Variants in CCT4 observed in about 807,000 individuals in gnomAD.
CCT4 encodes the protein T-complex protein 1 subunit delta.
Under a neutral mutation model 62.5 loss-of-function variants are expected in CCT4, and 17 were observed. The observed-to-expected ratio is 0.27, with a 90% CI of 0.19 to 0.41. The LOEUF (loss-of-function observed/expected upper bound fraction) is 0.41. Among genes scored for constraint, CCT4 ranks in the 10% least tolerant of loss-of-function variants. The probability of loss-of-function intolerance (pLI) is 1.00; values close to 1 mark genes in which losing one functional copy is unlikely to be tolerated. For missense variants in CCT4, 592 were observed against 659.2 expected (o/e 0.90, Z 1.12); for synonymous variants, 250 against 229.9 (o/e 1.09, Z -0.79).
intron 8 of CCT4, among the ~76,000 whole-genome samples, chr2:61,874,760 T>C (rs1414558201): frequency 1.3e-5 from 2 of 152,210 alleles, no homozygotes; most frequent in Admixed American, 1.3e-4. Flanking sequence ...CACTTTTAAC[T>C]AGGTAATTAA....
At chr2:61,875,752 C>G (rs1024219438) in intron 8 of CCT4, among the ~76,000 whole-genome samples, 3 of 152,030 alleles carry the variant, frequency 2.0e-5, no homozygotes, top group Non-Finnish European at 4.4e-5. Flanking sequence ...AGTTAGTTGG[C>G]TATTTTAAAA....
intron 4 of CCT4, 128 bp downstream of exon 4, chr2:61,880,158 T>C (rs1669082076): frequency 2.0e-6 from 1 of 490,136 alleles, no homozygotes; most frequent in Non-Finnish European, 3.6e-6. Context: ...CTTTAAAAAT[T>C]CTTGGTAAAA....
intron 8 of CCT4, among the ~76,000 whole-genome samples, chr2:61,875,367 A>C (rs1369247432): frequency 6.6e-6 from 1 of 151,994 alleles, no homozygotes; most frequent in East Asian, 1.9e-4. Flanking sequence ...TCATGAGGTC[A>C]GGAGATCGAG....
chr2:61,873,673 C>A (rs2105127995), intron 8 of CCT4, among the ~76,000 whole-genome samples: 1 of 152,274 alleles, frequency 6.6e-6, no homozygotes, highest in South Asian at 2.1e-4. Flanking sequence ...TCAAGCGATT[C>A]TCCTGCCTCA....
chr2:61,878,267 CA>C (rs1669041635), intron 5 of CCT4, among the ~76,000 whole-genome samples: 1 of 152,058 alleles, frequency 6.6e-6, no homozygotes, highest in African/African-American at 2.4e-5. Context: ...ACATGAGTTC[CA>C]AAGAAATTTA....
rs543561310 is a variant in CCT4, at chr2:61,868,829, C to T, written c.1606-123G>A. 5.7e-5 allele frequency: 42 copies of T among 732,860 alleles called. No homozygotes were observed. In the South Asian group the frequency reaches 6.2e-4, roughly 11 times the overall value. The allele number at this position is 732,860 out of a possible 1,614,324, so 45.4% of individuals were successfully genotyped here. On this transcript the variant is annotated intron_variant, in intron 13 of 13. Transcript: ENST00000394440. The stretch of plus-strand genomic sequence containing the variant: ...GAACTGCTGTCACCTTGATGACTAG[C>T]AAATATTTATCAAAAGTAAAAACTT...
intron 4 of CCT4, among the ~76,000 whole-genome samples, chr2:61,879,710 A>G (rs2105135210): frequency 6.6e-6 from 1 of 152,142 alleles, no homozygotes; most frequent in Non-Finnish European, 1.5e-5. Flanking sequence ...TTTCTTGTAT[A>G]AGAGTCCAAG....
intron 1 of CCT4, 140 bp from the exon 2 acceptor site, chr2:61,885,212 G>C (rs1373976011): frequency 1.9e-6 from 1 of 539,698 alleles, no homozygotes; most frequent in African/African-American, 2.0e-5. Flanking sequence ...AGAATAGCTG[G>C]GAGTATGGGA....
intron 4 of CCT4, 85 bp downstream of exon 4, chr2:61,880,201 C>T (rs1669083656): frequency 1.6e-6 from 1 of 619,036 alleles, no homozygotes; most frequent in East Asian, 2.9e-5. Context: ...TCTTCAATCC[C>T]ATATTACTTA....
At chr2:61,879,128 C>T in intron 4 of CCT4, 117 bp from the exon 5 acceptor site, 1 of 675,518 alleles carries the variant, frequency 1.5e-6, no homozygotes, top group East Asian at 2.7e-5. Flanking sequence ...TTCTTAATTA[C>T]AAACTTATGC....
chr2:61,875,798 T>C (rs1668985081), intron 8 of CCT4, among the ~76,000 whole-genome samples: 2 of 152,156 alleles, frequency 1.3e-5, no homozygotes, highest in African/African-American at 4.8e-5. Context: ...ATTACACCTT[T>C]ATTGTTTTGA....
intron 3 of CCT4, among the ~76,000 whole-genome samples, chr2:61,881,828 C>G (rs1438175760): frequency 6.6e-6 from 1 of 151,224 alleles, no homozygotes; most frequent in African/African-American, 2.4e-5. Flanking sequence ...TTTGCCTATT[C>G]CAGGTTGTTT....
chr2:61,887,965 GTTTA>G (rs1669297691), intron 1 of CCT4: 1 of 156,342 alleles, frequency 6.4e-6, no homozygotes, highest in Non-Finnish European at 1.4e-5. Flanking sequence ...GCCAAGTGAA[GTTTA>G]TTTAATAGTT....
intron 1 of CCT4, among the ~76,000 whole-genome samples, chr2:61,886,997 G>T (rs1276663942): frequency 1.3e-5 from 2 of 152,084 alleles, no homozygotes; most frequent in African/African-American, 4.8e-5. Flanking sequence ...GACCTCATGT[G>T]ATCCGCCAGC....
chr2:61,873,712 C>T (rs1364797084), intron 8 of CCT4, among the ~76,000 whole-genome samples: 2 of 152,136 alleles, frequency 1.3e-5, no homozygotes, highest in Non-Finnish European at 2.9e-5. Context: ...ACTACACGCT[C>T]CCGCCACCAC....
intron 8 of CCT4, among the ~76,000 whole-genome samples, chr2:61,874,530 G>T (rs1382330028): frequency 1.3e-5 from 2 of 151,660 alleles, no homozygotes; most frequent in Admixed American, 6.6e-5. Context: ...AAAACTGCTT[G>T]AACCTGGGAG....
At chr2:61,875,488 T>C (rs565826389) in intron 8 of CCT4, among the ~76,000 whole-genome samples, 2 of 148,890 alleles carry the variant, frequency 1.3e-5, no homozygotes, top group South Asian at 2.1e-4. Context: ...GCTGAGGCAG[T>C]AGAATCACTT....
intron 1 of CCT4, among the ~76,000 whole-genome samples, chr2:61,886,245 T>C (rs1349472492): frequency 6.6e-6 from 1 of 152,110 alleles, no homozygotes; most frequent in Admixed American, 6.5e-5. Context: ...ACCCTGCCTC[T>C]ACTAATACAA....
chr2:61,879,503 C>T (rs1252978739), intron 4 of CCT4, among the ~76,000 whole-genome samples: 1 of 149,582 alleles, frequency 6.7e-6, no homozygotes, highest in Non-Finnish European at 1.5e-5. Context: ...GTCTCAACTC[C>T]TTGGGCTCAA....
Sources: gnomAD v4.1 joint callset for allele counts (sites outside exome capture counted in the v4.1 genomes callset) on GRCh38, gnomAD v4.1.1 for gene constraint, MANE v1.5 for transcripts, NCBI Gene and HGNC (gene_info 2026-07-23, HGNC 2026-07-21) for gene names.